Variants in TMEM63C observed in about 807,000 individuals in gnomAD.
TMEM63C encodes transmembrane protein 63C.
TMEM63C carries 32 observed loss-of-function variants against 99.2 expected under a neutral mutation model. The ratio of observed to expected loss-of-function variants is 0.32; its 90% CI spans 0.24 to 0.43. The LOEUF is 0.43. TMEM63C is among the 20% of genes least tolerant of loss of function. The pLI is 1.00. For missense variants in TMEM63C, 826 were observed against 1,053.0 expected (o/e 0.78, Z 2.98); for synonymous variants, 376 against 397.9 (o/e 0.94, Z 0.66).
At chr14:77,225,357 G>T in intron 5 of TMEM63C, 67 bp from the exon 6 acceptor site, 1 of 1,530,642 alleles carries the variant, frequency 6.5e-7, no homozygotes. Flanking sequence ...GGCCGCCTGG[G>T]TTCCCAGAGC....
chr14:77,200,406 C>T (rs1486750793), intron 1 of TMEM63C, among the ~76,000 whole-genome samples: 1 of 152,224 alleles, frequency 6.6e-6, no homozygotes, highest in South Asian at 2.1e-4. Context: ...CACAAGCAAA[C>T]CTGTGAATAG....
chr14:77,211,691 GCC>G (rs1244343687), intron 1 of TMEM63C, among the ~76,000 whole-genome samples: 4 of 152,282 alleles, frequency 2.6e-5, no homozygotes, highest in African/African-American at 7.2e-5. Flanking sequence ...GGCAAAGCTA[GCC>G]CTTTTTGAAG....
chr14:77,191,618 C>A (rs1190982355), intron 1 of TMEM63C, among the ~76,000 whole-genome samples: 4 of 139,816 alleles, frequency 2.9e-5, no homozygotes, highest in African/African-American at 1.0e-4. Context: ...AATCTCGGCT[C>A]ACCACAACCT....
At chr14:77,187,515 TG>T in intron 1 of TMEM63C, among the ~76,000 whole-genome samples, 2 of 152,160 alleles carry the variant, frequency 1.3e-5, no homozygotes, top group African/African-American at 4.8e-5. Flanking sequence ...CCACACTCCA[TG>T]GAGGGGCTTC....
rs1310246853 is a variant in TMEM63C, at chr14:77,240,925, CTTTTTCTTTTTTTTTT to C, written c.1064+347_1064+362del. On this transcript the variant is annotated intron_variant, in intron 13 of 23. Coordinates refer to ENST00000298351, the MANE Select transcript of TMEM63C (RefSeq NM_020431.4). Reference sequence around the variant, plus strand: ...TTGACAAGAATGACATCCCTTTTCCCTTTTTCTTTTTTTTTTTTTTTCTTTTTTTTTTTTTTTCTTT... The same window carrying C: ...TTGACAAGAATGACATCCCTTTTCCCTTTTTCTTTTTTTTTTTTTTTCTTT... Among the ~76,000 whole-genome samples the C allele has an allele frequency of 1.4e-3, 163 of 118,010 alleles. 1 individual carries two copies. Among genetic ancestry groups the C allele is most frequent in the African/African-American group, 2.7e-3 (96 of 34,944 alleles). 77.4% of individuals were successfully genotyped at this position (118,010 alleles called of 152,430 possible).
rs1888639265 is a variant in TMEM63C, at chr14:77,218,852, G to A, written c.39G>A (p.Arg13=). The A allele has an allele frequency of 6.2e-7, 1 of 1,613,604 alleles. No homozygotes were observed. Among genetic ancestry groups the A allele is most frequent in the African/African-American group, 1.3e-5 (1 of 74,942 alleles). Residue 13 remains arginine, a synonymous_variant, in exon 3 of 24, where the codon AGG becomes AGA. Coordinates refer to ENST00000298351, the MANE Select transcript of TMEM63C (RefSeq NM_020431.4). ...CAGACGACCTGAGTACAGGGGGAAG[G>A]TTACAGAACATGACAGTGGATGAAT... ...ASPDDLSTGG[R]LQNMTVDECF...
intron 1 of TMEM63C, among the ~76,000 whole-genome samples, chr14:77,208,712 C>G (rs1888446662): frequency 6.6e-6 from 1 of 152,208 alleles, no homozygotes; most frequent in Non-Finnish European, 1.5e-5. Flanking sequence ...TTAACCCAGT[C>G]GACACCTGAA....
At chr14:77,241,881 G>T (rs546204585) in intron 13 of TMEM63C, among the ~76,000 whole-genome samples, 1 of 152,294 alleles carries the variant, frequency 6.6e-6, no homozygotes, top group South Asian at 2.1e-4. Context: ...CTCCTCTTTG[G>T]TCACATCTCT....
chr14:77,221,879 G>C (rs753147289), intron 5 of TMEM63C, among the ~76,000 whole-genome samples: 6 of 151,724 alleles, frequency 4.0e-5, no homozygotes, highest in African/African-American at 1.5e-4. Context: ...GGTGCTCTCC[G>C]TTGCATAGGT....
chr14:77,211,044 G>A (rs1180764249), intron 1 of TMEM63C, among the ~76,000 whole-genome samples: 1 of 152,210 alleles, frequency 6.6e-6, no homozygotes, highest in Non-Finnish European at 1.5e-5. Flanking sequence ...GGCTGTGCTG[G>A]GAAATGCAGG....
chr14:77,246,566 A>G (rs771603552), intron 17 of TMEM63C, 43 bp from the exon 18 acceptor site: 49 of 1,566,820 alleles, frequency 3.1e-5, no homozygotes, highest in Non-Finnish European at 4.0e-5. Context: ...GCCTTAGCTC[A>G]TAGGTTTGCT....
chr14:77,256,057 G>A (rs996117017), intron 23 of TMEM63C, among the ~76,000 whole-genome samples: 1 of 152,202 alleles, frequency 6.6e-6, no homozygotes, highest in African/African-American at 2.4e-5. Flanking sequence ...GGTGTGACAG[G>A]TCATGTGACC....
At position 77,248,337 on chromosome 14, in the gene TMEM63C, C is replaced by A; in HGVS notation, c.1602-10C>A. The A allele has an allele frequency of 6.2e-7, 1 of 1,602,356 alleles. No individual in the cohort carries two copies. On this transcript the variant is annotated splice_polypyrimidine_tract_variant and intron_variant, in intron 18 of 23. Transcript: ENST00000298351. ...TTCTGTTGCCACCTTCCCTCTCCCT[C>A]ACTGCCCAGGTGTGTGTTCCTGCCA... is the stretch of plus-strand genomic sequence containing the variant.
In TMEM63C at chr14:77,205,988, G is replaced by A. The variant is rs113784081; in HGVS notation, c.-76-7458G>A. ...CCTCTTCTCTGGCAGGACTGTTGGG[G>A]GCCAGGTGAGATGACTTTGTAAACA... On this transcript the variant is annotated intron_variant, in intron 1 of 23. Coordinates refer to ENST00000298351, the MANE Select transcript of TMEM63C (RefSeq NM_020431.4). 1.8e-3 allele frequency among the ~76,000 whole-genome samples: 267 copies of A among 152,266 alleles called. 3 individuals carry two copies. Among genetic ancestry groups the A allele is most frequent in the African/African-American group, 6.1e-3 (255 of 41,546 alleles).
In TMEM63C at chr14:77,255,566, T is replaced by G. The variant is rs116228646; in HGVS notation, c.2221-960T>G. Among the ~76,000 whole-genome samples the G allele has an allele frequency of 6.5e-3, 997 of 152,334 alleles. 12 individuals are homozygous for G. The highest frequency in any genetic ancestry group is 0.021 in the African/African-American group (860 of 41,574). ...GCTGTTCATGATGTCTTATGACAGG[T>G]TCCATGATCTCCTGAATGCTGGAAG... On this transcript the variant is annotated intron_variant, in intron 23 of 23. Coordinates refer to ENST00000298351, the MANE Select transcript of TMEM63C (RefSeq NM_020431.4).
At chr14:77,240,335 A>G in intron 12 of TMEM63C, 140 bp from the exon 13 acceptor site, 2 of 950,802 alleles carry the variant, frequency 2.1e-6, no homozygotes, top group Non-Finnish European at 3.0e-6. Context: ...GGGACTTTGG[A>G]GGCCAGCCAG....
chr14:77,252,516 T>G (rs1889385933), intron 22 of TMEM63C, among the ~76,000 whole-genome samples: 1 of 152,248 alleles, frequency 6.6e-6, no homozygotes, highest in Non-Finnish European at 1.5e-5. Flanking sequence ...CCTGGGGCAC[T>G]GGAATGATTT....
intron 2 of TMEM63C, among the ~76,000 whole-genome samples, chr14:77,214,434 C>T (rs1888546543): frequency 1.3e-5 from 2 of 152,006 alleles, no homozygotes; most frequent in Non-Finnish European, 2.9e-5. Context: ...TGGGAGACTC[C>T]CCAGTCCAGC....
intron 1 of TMEM63C, among the ~76,000 whole-genome samples, chr14:77,193,703 G>A (rs1332211235): frequency 1.3e-5 from 2 of 152,056 alleles, no homozygotes; most frequent in Non-Finnish European, 2.9e-5. Flanking sequence ...GTGTGGTGAC[G>A]CATGCCTGTA....
Sources: gnomAD v4.1 joint callset for allele counts (sites outside exome capture counted in the v4.1 genomes callset) on GRCh38, gnomAD v4.1.1 for gene constraint, MANE v1.5 for transcripts, NCBI Gene and HGNC (gene_info 2026-07-23, HGNC 2026-07-21) for gene names.